The following FHIT variants were observed in gnomAD, a reference collection of about 807,000 sequenced individuals.
FHIT encodes the protein fragile histidine triad diadenosine triphosphatase, also known as bis(5'-adenosyl)-triphosphatase.
A neutral mutation model predicts 17.9 loss-of-function variants in FHIT; 19 were observed. That is an observed-to-expected ratio of 1.06 (90% CI 0.74 to 1.56). The LOEUF is 1.56. Among genes scored for constraint, FHIT ranks in the 40% most tolerant of loss-of-function variants. The pLI is 0.00. For synonymous variants in FHIT, 81 were observed against 69.7 expected, an observed-to-expected ratio of 1.16 and a Z score of -0.81; for missense variants, 248 against 189.2, an observed-to-expected ratio of 1.31 and a Z score of -1.82.
At chr3:60,486,320 C>G (rs1394470220) in intron 5 of FHIT, among the ~76,000 whole-genome samples, 1 of 152,026 alleles carries the variant, frequency 6.6e-6, no homozygotes, top group African/African-American at 2.4e-5. Flanking sequence ...GTCAGATGTA[C>G]TTCATTCTTT....
At chr3:61,051,350 G>T (rs746667652) in intron 2 of FHIT, among the ~76,000 whole-genome samples, 1 of 152,022 alleles carries the variant, frequency 6.6e-6, no homozygotes, top group Non-Finnish European at 1.5e-5. Flanking sequence ...CCCAGGCTCA[G>T]ATGATCCTTC....
intron 5 of FHIT, among the ~76,000 whole-genome samples, chr3:60,347,759 T>C (rs913670050): frequency 6.0e-5 from 9 of 150,770 alleles, no homozygotes; most frequent in Admixed American, 2.0e-4. Flanking sequence ...AGCATGCCTA[T>C]CTTTTCATTT....
intron 4 of FHIT, chr3:60,690,100 C>T (rs2040951205): frequency 7.0e-6 from 2 of 287,212 alleles, no homozygotes; most frequent in Non-Finnish European, 6.8e-6. Context: ...AACATGGAAC[C>T]CAAAGGGAAC....
At chr3:59,813,887 TGGTG>T (rs914091075) in intron 8 of FHIT, among the ~76,000 whole-genome samples, 2 of 152,170 alleles carry the variant, frequency 1.3e-5, no homozygotes, top group Non-Finnish European at 2.9e-5. Flanking sequence ...CAAGAGTTAA[TGGTG>T]GTTTGGTGAT....
intron 7 of FHIT, among the ~76,000 whole-genome samples, chr3:59,926,796 A>G (rs1487235631): frequency 1.3e-5 from 2 of 152,238 alleles, no homozygotes; most frequent in Non-Finnish European, 2.9e-5. Context: ...CATACCCACT[A>G]GAAAGGCAAT....
At chr3:61,148,608 T>A (rs1001366686) in intron 2 of FHIT, among the ~76,000 whole-genome samples, 2 of 152,172 alleles carry the variant, frequency 1.3e-5, no homozygotes, top group African/African-American at 4.8e-5. Context: ...TGTCTAAGGA[T>A]AGACATTTGG....
chr3:59,914,693 G>A (rs1002824752), intron 8 of FHIT, among the ~76,000 whole-genome samples: 1 of 151,974 alleles, frequency 6.6e-6, no homozygotes, highest in East Asian at 1.9e-4. Context: ...AATGTTTGGG[G>A]GCTTTTCACT....
At chr3:59,818,178 G>A (rs1046547110) in intron 8 of FHIT, among the ~76,000 whole-genome samples, 3 of 152,044 alleles carry the variant, frequency 2.0e-5, no homozygotes, top group Non-Finnish European at 4.4e-5. Context: ...CAGAATAACA[G>A]TCCCCTGCAC....
chr3:60,843,950 G>A (rs1213992605), intron 3 of FHIT, among the ~76,000 whole-genome samples: 5 of 152,084 alleles, frequency 3.3e-5, no homozygotes, highest in African/African-American at 1.2e-4. Context: ...AAGCACGCAT[G>A]TATGTATTTC....
At chr3:60,285,213 A>C (rs920430128) in intron 5 of FHIT, among the ~76,000 whole-genome samples, 2 of 152,098 alleles carry the variant, frequency 1.3e-5, no homozygotes, top group African/African-American at 4.8e-5. Flanking sequence ...AGTCATATTA[A>C]CCCTTAGAAA....
chr3:60,277,906 A>G (rs1406901989), intron 5 of FHIT, among the ~76,000 whole-genome samples: 4 of 152,194 alleles, frequency 2.6e-5, no homozygotes, highest in African/African-American at 9.6e-5. Flanking sequence ...GCAACAAGAA[A>G]AATATTTACG....
chr3:59,989,750 C>T (rs1399098266), intron 7 of FHIT, among the ~76,000 whole-genome samples: 1 of 151,978 alleles, frequency 6.6e-6, no homozygotes, highest in Non-Finnish European at 1.5e-5. Context: ...CCCTGACCTC[C>T]CTTCCCCTGT....
chr3:61,070,245 T>A (rs1448648906), intron 2 of FHIT, among the ~76,000 whole-genome samples: 1 of 152,134 alleles, frequency 6.6e-6, no homozygotes, highest in African/African-American at 2.4e-5. Context: ...ATTTAGCCAA[T>A]AAACTATTTG....
At chr3:60,901,678 T>C (rs1032751808) in intron 3 of FHIT, among the ~76,000 whole-genome samples, 4 of 152,214 alleles carry the variant, frequency 2.6e-5, no homozygotes. Context: ...CTTTGAAAGA[T>C]TGTCTCTACA....
intron 5 of FHIT, among the ~76,000 whole-genome samples, chr3:60,201,066 A>C: frequency 6.6e-6 from 1 of 152,166 alleles, no homozygotes; most frequent in East Asian, 1.9e-4. Flanking sequence ...ACGTGGGTGG[A>C]AAGTACTCAG....
chr3:59,834,176 C>G (rs191098010), intron 8 of FHIT, among the ~76,000 whole-genome samples: 1 of 152,164 alleles, frequency 6.6e-6, no homozygotes, highest in Non-Finnish European at 1.5e-5. Flanking sequence ...TCAGGAAGAC[C>G]TGAATTCAAG....
At chr3:60,167,086 C>T (rs149691842) in intron 5 of FHIT, among the ~76,000 whole-genome samples, 1 of 152,164 alleles carries the variant, frequency 6.6e-6, no homozygotes, top group Non-Finnish European at 1.5e-5. Context: ...TCTTCACTTT[C>T]ATCAGATTTC....
chr3:59,817,736 C>T (rs1396949877), intron 8 of FHIT, among the ~76,000 whole-genome samples: 5 of 152,034 alleles, frequency 3.3e-5, no homozygotes, highest in Admixed American at 2.0e-4. Context: ...GTCAGTTTCA[C>T]CTGTTTTATT....
intron 5 of FHIT, among the ~76,000 whole-genome samples, chr3:60,498,051 G>A (rs115782347): frequency 0.012 from 1,840 of 152,278 alleles, 22 homozygotes; most frequent in East Asian, 0.042. Flanking sequence ...AACAGCCATA[G>A]AGGATACATA....
Sources: allele counts gnomAD v4.1 joint callset (sites outside exome capture counted in the v4.1 genomes callset), GRCh38; gene constraint gnomAD v4.1.1; transcripts MANE v1.5; gene names NCBI Gene and HGNC (gene_info 2026-07-23, HGNC 2026-07-21).